Variants in PAPPA2 observed in about 807,000 individuals in gnomAD.
PAPPA2 encodes pappalysin 2, also known as pappalysin-2.
A neutral mutation model predicts 176.4 loss-of-function variants in PAPPA2; 86 were observed. That is an observed-to-expected ratio of 0.49 (90% confidence interval 0.41 to 0.58). PAPPA2 has a LOEUF of 0.58. PAPPA2 is among the 20% of genes least tolerant of loss of function. The pLI is 0.00. For synonymous variants in PAPPA2, 809 were observed against 852.2 expected (o/e 0.95, Z 0.88); for missense variants, 2,073 against 2,256.9 (o/e 0.92, Z 1.65).
At chr1:176,768,759 T>G (rs1484518447) in intron 15 of PAPPA2, among the ~76,000 whole-genome samples, 1 of 152,190 alleles carries the variant, frequency 6.6e-6, no homozygotes, top group East Asian at 1.9e-4. Flanking sequence ...GCTGTAGGGC[T>G]GCCCTACTGA....
At chr1:176,683,324 C>T (rs1299028379) in intron 4 of PAPPA2, among the ~76,000 whole-genome samples, 4 of 152,084 alleles carry the variant, frequency 2.6e-5, no homozygotes, top group South Asian at 2.1e-4. Context: ...CATGTGTTCT[C>T]CTGCTGCCAG....
In PAPPA2 at chr1:176,498,751, C is replaced by CACAAAAAAAAAAAAAAAAAAAA. The variant is rs762510082; in HGVS notation, c.-917+35334_-917+35335insCAAAAAAAAAAAAAAAAAAAAA. Among the ~76,000 whole-genome samples the CACAAAAAAAAAAAAAAAAAAAA allele has an allele frequency of 3.6e-3, 403 of 111,762 alleles. 9 individuals carry two copies. The highest frequency in any genetic ancestry group is 0.01 in the Middle Eastern group (2 of 200). 73.3% of individuals were successfully genotyped at this position (111,762 alleles called of 152,430 possible). A position where few individuals can be genotyped will look rare whatever the true frequency, so the allele number is the denominator to read the frequency against. ...GGCGACAGAGCGAGACTCTTACCTC[C>CACAAAAAAAAAAAAAAAAAAAA]AAAAAAAAAAAAAAAGAAGAAGAAA... On this transcript the variant is annotated intron_variant, in intron 1 of 22. Coordinates refer to ENST00000367662, the MANE Select transcript of PAPPA2 (RefSeq NM_020318.3).
At chr1:176,548,102 ATATTT>A (rs1404038384) in intron 1 of PAPPA2, among the ~76,000 whole-genome samples, 1 of 152,236 alleles carries the variant, frequency 6.6e-6, no homozygotes, top group African/African-American at 2.4e-5. Flanking sequence ...TGAAAATGAA[ATATTT>A]TAATAGATAA....
At chr1:176,754,409 A>T (rs1410118257) in intron 14 of PAPPA2, among the ~76,000 whole-genome samples, 1 of 152,236 alleles carries the variant, frequency 6.6e-6, no homozygotes, top group Non-Finnish European at 1.5e-5. Flanking sequence ...TTAAAATAGT[A>T]AATAACTATA....
intron 2 of PAPPA2, among the ~76,000 whole-genome samples, chr1:176,581,898 CTTTT>C (rs911142824): frequency 7.4e-6 from 1 of 136,004 alleles, no homozygotes; most frequent in South Asian, 2.5e-4. Context: ...TTAGATTTTT[CTTTT>C]TTTCTTTCTT....
At chr1:176,839,379 T>C (rs756741593) in intron 21 of PAPPA2, among the ~76,000 whole-genome samples, 10 of 152,224 alleles carry the variant, frequency 6.6e-5, no homozygotes, top group Non-Finnish European at 1.5e-4. Flanking sequence ...CCATTAACTC[T>C]GGTTTGGCCT....
intron 17 of PAPPA2, among the ~76,000 whole-genome samples, chr1:176,787,672 T>G (rs969213646): frequency 6.6e-6 from 1 of 152,224 alleles, no homozygotes; most frequent in African/African-American, 2.4e-5. Flanking sequence ...ATTTTATTAT[T>G]AAAATTATTT....
At chr1:176,803,320 G>C (rs1344657742) in intron 21 of PAPPA2, among the ~76,000 whole-genome samples, 1 of 152,136 alleles carries the variant, frequency 6.6e-6, no homozygotes, top group Non-Finnish European at 1.5e-5. Flanking sequence ...GATTCTTACT[G>C]GTGTCATTTA....
chr1:176,744,090 C>T (rs1390068488), intron 14 of PAPPA2, among the ~76,000 whole-genome samples: 1 of 151,978 alleles, frequency 6.6e-6, no homozygotes, highest in Non-Finnish European at 1.5e-5. Flanking sequence ...TTCATTTTTC[C>T]CTTGTATTCC....
intron 21 of PAPPA2, among the ~76,000 whole-genome samples, chr1:176,836,275 A>C (rs1019762040): frequency 1.4e-4 from 22 of 152,194 alleles, no homozygotes; most frequent in African/African-American, 5.1e-4. Flanking sequence ...AAAACAGAAA[A>C]TAGTGCTTGG....
chr1:176,833,681 A>G (rs559899848), intron 21 of PAPPA2, among the ~76,000 whole-genome samples: 1 of 152,298 alleles, frequency 6.6e-6, no homozygotes, highest in South Asian at 2.1e-4. Flanking sequence ...CTTACATAGT[A>G]TATTCTACTG....
intron 3 of PAPPA2, among the ~76,000 whole-genome samples, chr1:176,625,680 A>G (rs1239134425): frequency 6.6e-6 from 1 of 152,206 alleles, no homozygotes; most frequent in Admixed American, 6.5e-5. Flanking sequence ...TCAAAAATAG[A>G]GTTGGCATAA....
chr1:176,600,630 C>T (rs1256829551), intron 3 of PAPPA2, among the ~76,000 whole-genome samples: 2 of 144,832 alleles, frequency 1.4e-5, no homozygotes, highest in East Asian at 4.0e-4. Context: ...GAGCCGAGAT[C>T]GCGCCACTGC....
At chr1:176,514,640 A>T (rs1648803589) in intron 1 of PAPPA2, among the ~76,000 whole-genome samples, 1 of 152,242 alleles carries the variant, frequency 6.6e-6, no homozygotes, top group Admixed American at 6.5e-5. Flanking sequence ...CATCACTGAC[A>T]ATAACATTTT....
At chr1:176,544,185 T>A (rs1006866974) in intron 1 of PAPPA2, among the ~76,000 whole-genome samples, 2 of 152,218 alleles carry the variant, frequency 1.3e-5, no homozygotes, top group African/African-American at 4.8e-5. Flanking sequence ...ACTGTGTAAC[T>A]GAGACCTGCT....
At chr1:176,514,829 G>A (rs965145691) in intron 1 of PAPPA2, among the ~76,000 whole-genome samples, 1 of 152,166 alleles carries the variant, frequency 6.6e-6, no homozygotes, top group African/African-American at 2.4e-5. Context: ...AAGCCTCTCC[G>A]GCTTGTGCAT....
In PAPPA2 at chr1:176,595,584, C is replaced by G; in HGVS notation, c.1980C>G (p.Asp660Glu). The G allele has an allele frequency of 6.2e-7, 1 of 1,610,600 alleles. No homozygotes were observed. The highest frequency in any genetic ancestry group is 8.5e-7 in the Non-Finnish European group (1 of 1,177,840). ...TGCGCAAGACCTGCTTTGACCCTGACTCACCCAAGAGGTAAGGGACTGGGA... is the reference window on the plus strand; with the variant it reads ...TGCGCAAGACCTGCTTTGACCCTGAGTCACCCAAGAGGTAAGGGACTGGGA... ...ADVRKTCFDP[D>E]SPKRAYMSVK... Residue 660 changes from aspartate (D) to glutamate (E), a missense_variant, in exon 3 of 23, where the codon GAC (aspartate) becomes GAG (glutamate). By Grantham distance (45) the Asp-to-Glu change is conservative (BLOSUM62 2). Coordinates refer to ENST00000367662, the MANE Select transcript of PAPPA2 (RefSeq NM_020318.3).
chr1:176,629,501 T>A (rs1284717212), intron 3 of PAPPA2, among the ~76,000 whole-genome samples: 1 of 152,022 alleles, frequency 6.6e-6, no homozygotes, highest in Non-Finnish European at 1.5e-5. Flanking sequence ...ATATTGGGTT[T>A]AGAATTTTAG....
At chr1:176,749,161 T>G (rs562670227) in intron 14 of PAPPA2, among the ~76,000 whole-genome samples, 85 of 152,354 alleles carry the variant, frequency 5.6e-4, no homozygotes, top group Non-Finnish European at 1.1e-3. Flanking sequence ...TTTCACTTTA[T>G]ACAAGACAGT....
Sources: allele counts gnomAD v4.1 joint callset (sites outside exome capture counted in the v4.1 genomes callset), GRCh38; gene constraint gnomAD v4.1.1; transcripts MANE v1.5; gene names NCBI Gene and HGNC (gene_info 2026-07-23, HGNC 2026-07-21).